The following WWP2 variants were observed in gnomAD, a reference collection of about 807,000 sequenced individuals.
WWP2 encodes the protein NEDD4-like E3 ubiquitin-protein ligase WWP2.
Under a neutral mutation model 121.0 loss-of-function variants are expected in WWP2, and 57 were observed. That is an observed-to-expected ratio of 0.47 (90% confidence interval 0.38 to 0.59). The LOEUF (loss-of-function observed/expected upper bound fraction) is 0.59. WWP2 is among the 20% of genes least tolerant of loss of function. The pLI, the probability that WWP2 is intolerant of heterozygous loss-of-function variation, is 0.00. For synonymous variants in WWP2, 449 were observed against 441.3 expected, an observed-to-expected ratio of 1.02 and a Z score of -0.22; for missense variants, 962 against 1,158.9, an observed-to-expected ratio of 0.83 and a Z score of 2.47.
intron 7 of WWP2, among the ~76,000 whole-genome samples, chr16:69,872,775 C>T (rs998155067): frequency 1.3e-5 from 2 of 152,192 alleles, no homozygotes; most frequent in African/African-American, 2.4e-5. Flanking sequence ...GAGACAGTGC[C>T]GTCCACGTGC....
At chr16:69,893,788 C>A (rs984276962) in intron 8 of WWP2, among the ~76,000 whole-genome samples, 4 of 152,210 alleles carry the variant, frequency 2.6e-5, no homozygotes, top group Non-Finnish European at 4.4e-5. Flanking sequence ...AAGTGATCCA[C>A]CTGCCTCGGC....
intron 4 of WWP2, among the ~76,000 whole-genome samples, chr16:69,820,379 T>A (rs958919847): frequency 6.6e-6 from 1 of 152,118 alleles, no homozygotes; most frequent in Non-Finnish European, 1.5e-5. Flanking sequence ...GTAGCTGGGA[T>A]TAAAGGCATG....
intron 2 of WWP2, among the ~76,000 whole-genome samples, chr16:69,791,049 A>T (rs1201840175): frequency 6.6e-6 from 1 of 151,936 alleles, no homozygotes; most frequent in African/African-American, 2.4e-5. Flanking sequence ...GAGTAGGGAG[A>T]TGAGTTAGAG....
intron 10 of WWP2, among the ~76,000 whole-genome samples, chr16:69,918,702 C>T (rs2058511201): frequency 1.3e-5 from 2 of 152,214 alleles, no homozygotes; most frequent in African/African-American, 4.8e-5. Context: ...CTCCATTGGC[C>T]TTCTCTCTCT....
chr16:69,767,773 C>T (rs764223455), intron 1 of WWP2, among the ~76,000 whole-genome samples: 1 of 152,096 alleles, frequency 6.6e-6, no homozygotes, highest in Non-Finnish European at 1.5e-5. Context: ...GCCCCTTCCT[C>T]GTTGTTGCTT....
intron 12 of WWP2, 55 bp downstream of exon 12, chr16:69,929,584 C>T (rs1476242866): frequency 6.6e-7 from 1 of 1,504,630 alleles, no homozygotes; most frequent in African/African-American, 1.4e-5. Flanking sequence ...TGTGCAGCTC[C>T]AGCACTGGGC....
intron 11 of WWP2, chr16:69,926,219 G>A (rs1298553554): frequency 1.3e-5 from 2 of 152,168 alleles, no homozygotes; most frequent in African/African-American, 2.4e-5. Context: ...CATGCAAAAA[G>A]GGTCATTAGA....
At chr16:69,802,579 C>A (rs751271043) in intron 4 of WWP2, among the ~76,000 whole-genome samples, 1 of 148,236 alleles carries the variant, frequency 6.7e-6, no homozygotes, top group Non-Finnish European at 1.5e-5. Context: ...TTGTAACATG[C>A]GTCAGAAGAT....
chr16:69,886,943 A>G (rs750385696), intron 7 of WWP2, among the ~76,000 whole-genome samples: 3 of 152,224 alleles, frequency 2.0e-5, no homozygotes, highest in Admixed American at 6.5e-5. Context: ...GTGTTTTCCT[A>G]TGAATTTCTA....
chr16:69,798,856 C>G (rs769787214), intron 3 of WWP2, 27 bp downstream of exon 3: 1 of 1,611,638 alleles, frequency 6.2e-7, no homozygotes, highest in Non-Finnish European at 8.5e-7. Flanking sequence ...TCTTTTTGAA[C>G]GCAGCAAGAT....
intron 7 of WWP2, among the ~76,000 whole-genome samples, chr16:69,879,580 C>A (rs2057789207): frequency 6.6e-6 from 1 of 152,180 alleles, no homozygotes; most frequent in African/African-American, 2.4e-5. Context: ...GAATAATATT[C>A]CGTTGTATAT....
chr16:69,882,568 A>C (rs2057850397), intron 7 of WWP2, among the ~76,000 whole-genome samples: 1 of 152,214 alleles, frequency 6.6e-6, no homozygotes, highest in Admixed American at 6.5e-5. Context: ...ACAGCATGTC[A>C]CAGGGGCTGT....
intron 7 of WWP2, among the ~76,000 whole-genome samples, chr16:69,877,389 C>T (rs187122832): frequency 1.3e-5 from 2 of 152,314 alleles, no homozygotes; most frequent in Admixed American, 6.5e-5. Context: ...TCGGGTCTTG[C>T]TCCAGATTAG....
chr16:69,794,191 T>TA (rs1277276057), intron 2 of WWP2, among the ~76,000 whole-genome samples: 1 of 152,106 alleles, frequency 6.6e-6, no homozygotes, highest in Non-Finnish European at 1.5e-5. Context: ...GTGCTGGGAT[T>TA]ACAGGCATAA....
chr16:69,911,475 G>C (rs569177613), intron 9 of WWP2, among the ~76,000 whole-genome samples: 1 of 152,144 alleles, frequency 6.6e-6, no homozygotes, highest in Non-Finnish European at 1.5e-5. Flanking sequence ...GATGTGTTTG[G>C]GGAAGGATGC....
At position 69,940,077 on chromosome 16, in the gene WWP2, C is replaced by A; in HGVS notation, c.*137C>A. On this transcript the variant is annotated 3_prime_UTR_variant, in exon 24 of 24. Transcript: ENST00000359154. ...GTGGGACCACACTGTCATCTCGCTGCTGGCAGAAAAGCCTGATCCCAGGAG... is the reference window on the plus strand; with the variant it reads ...GTGGGACCACACTGTCATCTCGCTGATGGCAGAAAAGCCTGATCCCAGGAG... The A allele has an allele frequency of 2.9e-6, 2 of 695,160 alleles. No homozygotes were observed. The highest frequency in any genetic ancestry group is 4.7e-6 in the Non-Finnish European group (2 of 424,154). The allele number at this position is 695,160 out of a possible 1,614,324, so 43.1% of individuals were successfully genotyped here. A position where few individuals can be genotyped will look rare whatever the true frequency, so the allele number is the denominator to read the frequency against.
intron 4 of WWP2, among the ~76,000 whole-genome samples, chr16:69,830,515 G>T (rs1020735030): frequency 6.6e-6 from 1 of 152,182 alleles, no homozygotes. Flanking sequence ...CTTTAATTTA[G>T]CAATGATAAA....
At chr16:69,791,998 T>A (rs2151801917) in intron 2 of WWP2, among the ~76,000 whole-genome samples, 1 of 152,184 alleles carries the variant, frequency 6.6e-6, no homozygotes, top group South Asian at 2.1e-4. Flanking sequence ...CCTACACAGA[T>A]TTGGTAATAC....
chr16:69,931,285 G>A, intron 14 of WWP2, 58 bp downstream of exon 14: 1 of 1,597,070 alleles, frequency 6.3e-7, no homozygotes, highest in Non-Finnish European at 8.6e-7. Context: ...ATTTCAGTGT[G>A]AGTTCCCGGC....
Sources: allele counts gnomAD v4.1 joint callset (sites outside exome capture counted in the v4.1 genomes callset), GRCh38; gene constraint gnomAD v4.1.1; transcripts MANE v1.5; gene names NCBI Gene and HGNC (gene_info 2026-07-23, HGNC 2026-07-21).